GALNT13: variants seen among roughly 807,000 people sequenced by gnomAD.
GALNT13 encodes the protein polypeptide N-acetylgalactosaminyltransferase 13.
In GALNT13, 28 loss-of-function variants were observed where a neutral mutation model predicts 64.2. The ratio of observed to expected loss-of-function variants is 0.44; its 90% confidence interval spans 0.32 to 0.60. The LOEUF (loss-of-function observed/expected upper bound fraction) is 0.60. GALNT13 is among the 20% of genes least tolerant of loss of function. The pLI, the probability that GALNT13 is intolerant of heterozygous loss-of-function variation, is 0.05. For synonymous variants in GALNT13, 214 were observed against 224.6 expected (o/e 0.95, Z 0.42); for missense variants, 577 against 669.8 (o/e 0.86, Z 1.53).
At chr2:154,252,710 T>C (rs1573958655) in intron 7 of GALNT13, among the ~76,000 whole-genome samples, 2 of 147,022 alleles carry the variant, frequency 1.4e-5, no homozygotes, top group South Asian at 2.2e-4. Context: ...ATAAGGTATA[T>C]GGACGAATGG....
chr2:153,214,905 A>G, the GALNT13 span, among the ~76,000 whole-genome samples: 1 of 151,958 alleles, frequency 6.6e-6, no homozygotes, highest in Non-Finnish European at 1.5e-5. Flanking sequence ...TCACCTAAAA[A>G]CTCTTGGGTA....
chr2:154,447,310 C>A (rs1367552311), intron 12 of GALNT13, among the ~76,000 whole-genome samples: 4 of 151,702 alleles, frequency 2.6e-5, no homozygotes, highest in Non-Finnish European at 5.9e-5. Flanking sequence ...ATTTTTAATA[C>A]CTTTATAAAG....
At chr2:154,371,011 A>T (rs1428121349) in intron 9 of GALNT13, among the ~76,000 whole-genome samples, 2 of 152,080 alleles carry the variant, frequency 1.3e-5, no homozygotes, top group African/African-American at 4.8e-5. Context: ...CCAAGAAAAG[A>T]TAAGCTAGCA....
chr2:153,835,168 C>G, the GALNT13 span, among the ~76,000 whole-genome samples: 1 of 151,956 alleles, frequency 6.6e-6, no homozygotes, highest in African/African-American at 2.4e-5. Flanking sequence ...CCTGAGCTGA[C>G]TTGGATGGAT....
At chr2:153,642,035 T>A in the GALNT13 span, among the ~76,000 whole-genome samples, 1 of 151,980 alleles carries the variant, frequency 6.6e-6, no homozygotes, top group Non-Finnish European at 1.5e-5. Context: ...ATATTTTCTA[T>A]TATCTTCAAT....
At chr2:153,386,742 A>C in the GALNT13 span, among the ~76,000 whole-genome samples, 5 of 152,066 alleles carry the variant, frequency 3.3e-5, no homozygotes, top group African/African-American at 1.2e-4. Flanking sequence ...GTACAATTTC[A>C]CTTATAATTG....
At chr2:154,309,402 A>C (rs1295618707) in intron 9 of GALNT13, among the ~76,000 whole-genome samples, 2 of 152,172 alleles carry the variant, frequency 1.3e-5, no homozygotes, top group Non-Finnish European at 2.9e-5. Context: ...CTATAACAGA[A>C]TATATGATGC....
At chr2:153,913,393 A>G (rs1459770477) in intron 2 of GALNT13, among the ~76,000 whole-genome samples, 1 of 152,136 alleles carries the variant, frequency 6.6e-6, no homozygotes, top group Non-Finnish European at 1.5e-5. Flanking sequence ...CTGTGCACAC[A>G]TGTCCTGTCT....
chr2:153,923,160 A>G (rs1050596137), intron 2 of GALNT13, among the ~76,000 whole-genome samples: 1 of 152,136 alleles, frequency 6.6e-6, no homozygotes, highest in Non-Finnish European at 1.5e-5. Flanking sequence ...TCGGCCTCCC[A>G]AAGTGCTGGA....
the GALNT13 span, among the ~76,000 whole-genome samples, chr2:153,634,796 G>C: frequency 6.6e-6 from 1 of 151,864 alleles, no homozygotes; most frequent in Non-Finnish European, 1.5e-5. Flanking sequence ...TGATCTGCCT[G>C]CCTCGGCCTC....
chr2:154,454,067 G>A (rs1177503979), downstream of GALNT13, among the ~76,000 whole-genome samples: 2 of 152,094 alleles, frequency 1.3e-5, no homozygotes, highest in Non-Finnish European at 2.9e-5. Context: ...ACTTTCAGAG[G>A]AGAGATATCA....
At chr2:153,526,424 AC>A in the GALNT13 span, among the ~76,000 whole-genome samples, 33 of 152,170 alleles carry the variant, frequency 2.2e-4, no homozygotes, top group Non-Finnish European at 4.1e-4. Context: ...AATCCATAGA[AC>A]TCACCTGCAT....
At chr2:153,199,788 A>G in the GALNT13 span, among the ~76,000 whole-genome samples, 1 of 152,238 alleles carries the variant, frequency 6.6e-6, no homozygotes, top group Non-Finnish European at 1.5e-5. Context: ...TACTATAAAG[A>G]CTTTCATTTA....
chr2:154,301,323 A>G lies in GALNT13; in HGVS notation c.976-86A>G, dbSNP rs1693428850. 6.1e-6 allele frequency: 7 copies of G among 1,151,866 alleles called. No homozygotes were observed. The East Asian group carries it at 1.6e-4, about 27-fold the overall frequency. 71.4% of individuals were successfully genotyped at this position (1,151,866 alleles called of 1,614,324 possible). On this transcript the variant is annotated intron_variant, in intron 8 of 12. Coordinates refer to ENST00000392825, the MANE Select transcript of GALNT13 (RefSeq NM_052917.4). Reference sequence around the variant, plus strand: ...CATCAGATATTTGCTTGAAACATGTAAAATACGAAGATTTGGCCTAAGCTT... The same window carrying G: ...CATCAGATATTTGCTTGAAACATGTGAAATACGAAGATTTGGCCTAAGCTT...
chr2:154,078,964 C>T (rs1285860779), intron 3 of GALNT13, among the ~76,000 whole-genome samples: 1 of 151,548 alleles, frequency 6.6e-6, no homozygotes, highest in Non-Finnish European at 1.5e-5. Context: ...TTAATGCTTA[C>T]CAAACACTTA....
the GALNT13 span, among the ~76,000 whole-genome samples, chr2:153,856,571 A>C: frequency 2.6e-5 from 4 of 152,188 alleles, no homozygotes; most frequent in Non-Finnish European, 2.9e-5. Context: ...AATTGAAATC[A>C]AAATGAGGTA....
chr2:154,449,426 CAAA>C lies in GALNT13; in HGVS notation c.1531-962_1531-960del, dbSNP rs201483247. Among the ~76,000 whole-genome samples the C allele has an allele frequency of 4.2e-3, 446 of 105,820 alleles. 6 individuals are homozygous for C. Among genetic ancestry groups the C allele is most frequent in the African/African-American group, 0.015 (425 of 29,116 alleles). 69.4% of individuals were successfully genotyped at this position (105,820 alleles called of 152,430 possible). Reference sequence around the variant, plus strand: ...CCATTTTCAATGTAGTATCATGAGCCAAAAAAAAAAAAAAAAAAAAAAAAATTT... The same window carrying C: ...CCATTTTCAATGTAGTATCATGAGCCAAAAAAAAAAAAAAAAAAAAAATTT... On this transcript the variant is annotated intron_variant, in intron 12 of 12. Transcript: ENST00000392825.
chr2:154,348,439 T>C (rs1696194090), intron 9 of GALNT13, among the ~76,000 whole-genome samples: 1 of 152,076 alleles, frequency 6.6e-6, no homozygotes, highest in Admixed American at 6.6e-5. Flanking sequence ...GTTGGTTGGT[T>C]TTAAGTATAC....
chr2:154,113,463 C>T (rs928847399), intron 3 of GALNT13, among the ~76,000 whole-genome samples: 2 of 152,228 alleles, frequency 1.3e-5, no homozygotes, highest in Admixed American at 1.3e-4. Flanking sequence ...CAAATAGACC[C>T]ACTGGGCGTT....
Sources: allele counts gnomAD v4.1 joint callset (sites outside exome capture counted in the v4.1 genomes callset), GRCh38; gene constraint gnomAD v4.1.1; transcripts MANE v1.5; gene names NCBI Gene and HGNC (gene_info 2026-07-23, HGNC 2026-07-21).